The following MCCC2 variants were observed in gnomAD, a reference collection of about 807,000 sequenced individuals.
MCCC2 encodes methylcrotonoyl-CoA carboxylase beta chain, mitochondrial.
A neutral mutation model predicts 77.2 loss-of-function variants in MCCC2; 52 were observed. That is an observed-to-expected ratio of 0.67 (90% CI 0.54 to 0.85). The LOEUF is 0.85. Ranked by LOEUF, MCCC2 falls within the 40% of genes least tolerant of loss-of-function variation. MCCC2 has a pLI of 0.00. For missense variants in MCCC2, 682 were observed against 703.2 expected (o/e 0.97, Z 0.34); for synonymous variants, 253 against 248.4 (o/e 1.02, Z -0.18).
chr5:71,616,397 C>T (rs1351309620), intron 6 of MCCC2, among the ~76,000 whole-genome samples: 2 of 152,170 alleles, frequency 1.3e-5, no homozygotes, highest in South Asian at 4.1e-4. Flanking sequence ...AGCCCTTAGT[C>T]TGTGGGATCT....
chr5:71,626,395 C>T lies in MCCC2; in HGVS notation c.625-245C>T, dbSNP rs16903487. On this transcript the variant is annotated intron_variant, in intron 6 of 16. Transcript: ENST00000340941. The stretch of plus-strand genomic sequence containing the variant: ...GCCAGTAGTCTATCAGGCCAGTCTT[C>T]TCTCTGACAGGGAGATTGTCCATAA... Among the ~76,000 whole-genome samples, 2,246 of 152,326 alleles carry T rather than the reference C, an allele frequency of 0.015. 57 individuals are homozygous for T. Among genetic ancestry groups the T allele is most frequent in the African/African-American group, 0.052 (2,162 of 41,560 alleles).
intron 15 of MCCC2, 58 bp from the exon 16 acceptor site, chr5:71,652,611 T>A (rs933686489): frequency 3.8e-6 from 5 of 1,308,334 alleles, no homozygotes; most frequent in Non-Finnish European, 5.5e-6. Context: ...ATTGAGATGA[T>A]CTAAACAGGG....
intron 6 of MCCC2, among the ~76,000 whole-genome samples, chr5:71,608,815 C>T (rs1229694159): frequency 6.6e-6 from 1 of 152,092 alleles, no homozygotes; most frequent in Non-Finnish European, 1.5e-5. Flanking sequence ...TTTTATTTCT[C>T]CTTCACTTAT....
intron 6 of MCCC2, among the ~76,000 whole-genome samples, chr5:71,610,162 C>G (rs1047417852): frequency 3.9e-5 from 6 of 152,240 alleles, no homozygotes; most frequent in Non-Finnish European, 8.8e-5. Context: ...CGCCCCTCCC[C>G]CAGCCTCGCT....
chr5:71,633,131 A>ATTTTTTTTTTTTTTTTAT (rs1306338509), intron 8 of MCCC2, among the ~76,000 whole-genome samples: 1 of 78,094 alleles, frequency 1.3e-5, no homozygotes, highest in African/African-American at 5.1e-5. Flanking sequence ...ATATATATAT[A>ATTTTTTTTTTTTTTTTAT]TTTTTATTTT....
At chr5:71,604,601 T>G in intron 6 of MCCC2, 133 bp downstream of exon 6, 3 of 707,738 alleles carry the variant, frequency 4.2e-6, no homozygotes, top group African/African-American at 1.8e-5. Flanking sequence ...TTTTTTATAC[T>G]TTAGGTTTTA....
rs551828852 is a variant in MCCC2 at position 71,609,160 on chromosome 5, T to G, written c.624+4692T>G. 2.5e-3 allele frequency among the ~76,000 whole-genome samples: 375 copies of G among 152,076 alleles called. 2 individuals carry two copies. Among genetic ancestry groups the G allele is most frequent in the African/African-American group, 8.1e-3 (335 of 41,484 alleles). The stretch of plus-strand genomic sequence containing the variant: ...TTCTCCTGGATAATATCCTGCAGAG[T>G]GTTTTCCAACTTGGTTCCATTCTCC... On this transcript the variant is annotated intron_variant, in intron 6 of 16. Coordinates refer to ENST00000340941, the MANE Select transcript of MCCC2 (RefSeq NM_022132.5).
chr5:71,618,488 T>TCTTC (rs60010762), intron 6 of MCCC2, among the ~76,000 whole-genome samples: 3,567 of 96,904 alleles, frequency 0.037, 92 homozygotes, highest in African/African-American at 0.071. Flanking sequence ...CTTCTTTCCT[T>TCTTC]CTTCCTTCCT....
In MCCC2 at chr5:71,625,810, A is replaced by G. The variant is rs759517030; in HGVS notation, c.625-830A>G. On this transcript the variant is annotated intron_variant, in intron 6 of 16. Transcript: ENST00000340941. ...CATCTTTTGATTATACCAGTATGGC[A>G]TGCTGTTTTTCAGAACATGCTGTTT... 2.6e-5 allele frequency among the ~76,000 whole-genome samples: 4 copies of G among 152,208 alleles called. No homozygotes were observed. In the South Asian group the frequency reaches 6.2e-4, roughly 24 times the overall value.
chr5:71,649,164 T>C lies in MCCC2; in HGVS notation c.1284T>C (p.Ala428=), dbSNP rs752877391. 6.2e-7 allele frequency: 1 copy of C among 1,614,186 alleles called. No homozygotes were observed. The highest frequency in any genetic ancestry group is 8.5e-7 in the Non-Finnish European group (1 of 1,179,992). ...AGGATGGTGCCAAGATGGTGGCCGC[T>C]GTGGCCTGTGCCCAAGTGCCTAAGA... The part of the protein sequence containing the change: ...IAKDGAKMVA[A]VACAQVPKIT... The change falls in exon 14 of 17, where the codon GCT becomes GCC. Residue 428 remains alanine (A), a synonymous_variant. Coordinates refer to ENST00000340941, the MANE Select transcript of MCCC2 (RefSeq NM_022132.5).
rs1342679976 is a variant in MCCC2, at chr5:71,635,260, G to T, written c.999+14G>T. 1 of 1,609,184 alleles carries T rather than the reference G, an allele frequency of 6.2e-7. No individual in the cohort carries two copies. The highest frequency in any genetic ancestry group is 2.2e-5 in the East Asian group (1 of 44,860). On this transcript the variant is annotated intron_variant, in intron 10 of 16. Transcript: ENST00000340941. ...GATGTCCGAGAGGTATGTGAAAGTG[G>T]AACTGTGAGCTTTATGACCAGCTGT... is the stretch of plus-strand genomic sequence containing the variant.
intron 11 of MCCC2, among the ~76,000 whole-genome samples, chr5:71,642,358 C>T (rs1373872664): frequency 6.6e-6 from 1 of 152,180 alleles, no homozygotes; most frequent in Non-Finnish European, 1.5e-5. Flanking sequence ...TCAAATGTCT[C>T]TGGAAGTTCC....
intron 3 of MCCC2, among the ~76,000 whole-genome samples, chr5:71,597,300 A>T (rs1364535613): frequency 1.3e-5 from 2 of 152,184 alleles, no homozygotes; most frequent in Non-Finnish European, 2.9e-5. Context: ...GATGGGTCAG[A>T]TCCTGTATGG....
At chr5:71,622,062 G>A (rs1580306624) in intron 6 of MCCC2, among the ~76,000 whole-genome samples, 1 of 152,094 alleles carries the variant, frequency 6.6e-6, no homozygotes, top group Non-Finnish European at 1.5e-5. Context: ...TGGGAGGATC[G>A]CTTGAGCACA....
At chr5:71,629,271 G>T (rs1347304352) in intron 7 of MCCC2, among the ~76,000 whole-genome samples, 1 of 152,098 alleles carries the variant, frequency 6.6e-6, no homozygotes, top group African/African-American at 2.4e-5. Context: ...GAAATATTGA[G>T]AATAGGCAAA....
intron 8 of MCCC2, among the ~76,000 whole-genome samples, chr5:71,632,562 G>A (rs183640573): frequency 1.3e-3 from 201 of 152,302 alleles, no homozygotes; most frequent in African/African-American, 4.5e-3. Context: ...TGTAAATGTG[G>A]CTGATACGCG....
At position 71,587,394 on chromosome 5, in the gene MCCC2, G is replaced by C; in HGVS notation, c.-32G>C. 6.5e-7 allele frequency: 1 copy of C among 1,531,780 alleles called. No individual in the cohort carries two copies. Among genetic ancestry groups the C allele is most frequent in the Non-Finnish European group, 8.7e-7 (1 of 1,145,194 alleles). 94.9% of individuals were successfully genotyped at this position (1,531,780 alleles called of 1,614,324 possible). Reference sequence around the variant, plus strand: ...GGGAAAGCACCGGCTCCAGGCCAGCGTGGGCCGCTCTCTCGCTCGGTGCCC... The same window carrying C: ...GGGAAAGCACCGGCTCCAGGCCAGCCTGGGCCGCTCTCTCGCTCGGTGCCC... On this transcript the variant is annotated 5_prime_UTR_variant, in exon 1 of 17. Transcript: ENST00000340941.
At chr5:71,635,464 T>C (rs919124552) in intron 10 of MCCC2, 11 of 610,180 alleles carry the variant, frequency 1.8e-5, no homozygotes, top group African/African-American at 1.5e-4. Flanking sequence ...ACCTCAATGA[T>C]TGGAAAGTTT....
At chr5:71,620,242 GC>G (rs1311838218) in intron 6 of MCCC2, among the ~76,000 whole-genome samples, 1 of 152,138 alleles carries the variant, frequency 6.6e-6, no homozygotes, top group Non-Finnish European at 1.5e-5. Flanking sequence ...ATTCTTGACA[GC>G]TATTGAATTG....
Sources: allele counts gnomAD v4.1 joint callset (sites outside exome capture counted in the v4.1 genomes callset), GRCh38; gene constraint gnomAD v4.1.1; transcripts MANE v1.5; gene names NCBI Gene and HGNC (gene_info 2026-07-23, HGNC 2026-07-21).